The following PAN3 variants were observed in gnomAD, a reference collection of about 807,000 sequenced individuals.
PAN3 encodes PAN2-PAN3 deadenylation complex subunit PAN3.
In PAN3, 19 loss-of-function variants were observed where a neutral mutation model predicts 96.2. That is an observed-to-expected ratio of 0.20 (90% CI 0.14 to 0.29). The LOEUF is 0.29. PAN3 is among the 10% of genes least tolerant of loss of function. PAN3 has a pLI of 1.00. For synonymous variants in PAN3, 433 were observed against 406.6 expected (o/e 1.06, Z -0.78); for missense variants, 882 against 1,108.1 (o/e 0.80, Z 2.90).
chr13:28,164,570 G>T (rs1873301142), intron 1 of PAN3, among the ~76,000 whole-genome samples: 1 of 152,130 alleles, frequency 6.6e-6, no homozygotes. Context: ...ATGTAGAAAG[G>T]GTTCCCTACT....
intron 1 of PAN3, among the ~76,000 whole-genome samples, chr13:28,170,217 A>G (rs1192795022): frequency 6.6e-6 from 1 of 152,180 alleles, no homozygotes; most frequent in Non-Finnish European, 1.5e-5. Flanking sequence ...AGGAATATAT[A>G]TACCAGTGTT....
chr13:28,276,716 C>CTAA (rs1322676313), intron 14 of PAN3, among the ~76,000 whole-genome samples: 1 of 152,114 alleles, frequency 6.6e-6, no homozygotes, highest in Non-Finnish European at 1.5e-5. Context: ...CTGGTTAATG[C>CTAA]TAATGTTTGT....
At chr13:28,286,249 C>T (rs956600622) in intron 17 of PAN3, among the ~76,000 whole-genome samples, 1 of 152,176 alleles carries the variant, frequency 6.6e-6, no homozygotes, top group Non-Finnish European at 1.5e-5. Flanking sequence ...GGTTTGGGAA[C>T]CACACAGAGG....
chr13:28,153,232 C>CCTT (rs1871619235), intron 1 of PAN3, among the ~76,000 whole-genome samples: 1 of 101,532 alleles, frequency 9.8e-6, no homozygotes, highest in East Asian at 3.2e-4. Flanking sequence ...GTATAATACG[C>CCTT]TTTTTTTTTT....
At chr13:28,214,189 G>A (rs1441068945) in intron 5 of PAN3, among the ~76,000 whole-genome samples, 1 of 152,126 alleles carries the variant, frequency 6.6e-6, no homozygotes, top group African/African-American at 2.4e-5. Flanking sequence ...ATCATTCACT[G>A]CTACGTTTTT....
intron 7 of PAN3, 36 bp downstream of exon 7, chr13:28,256,575 C>G: frequency 6.3e-7 from 1 of 1,577,026 alleles, no homozygotes. Context: ...TTAGTACTCT[C>G]TTGTAACAGG....
intron 5 of PAN3, among the ~76,000 whole-genome samples, chr13:28,210,182 G>T (rs561332201): frequency 8.1e-4 from 123 of 152,296 alleles, no homozygotes; most frequent in Non-Finnish European, 1.5e-3. Flanking sequence ...GGCAAACTTT[G>T]TAAAGGATGA....
intron 5 of PAN3, among the ~76,000 whole-genome samples, chr13:28,203,806 T>C (rs543297258): frequency 6.6e-6 from 1 of 151,256 alleles, no homozygotes; most frequent in Non-Finnish European, 1.5e-5. Flanking sequence ...TTTTTTCTTT[T>C]CTTTTTTTTT....
intron 6 of PAN3, 63 bp downstream of exon 6, chr13:28,220,441 T>A (rs1426710045): frequency 6.6e-7 from 1 of 1,516,206 alleles, no homozygotes; most frequent in Non-Finnish European, 9.0e-7. Flanking sequence ...CATTTACTAT[T>A]AATTTATCAG....
intron 6 of PAN3, among the ~76,000 whole-genome samples, chr13:28,245,405 A>G (rs1056859941): frequency 4.8e-5 from 7 of 145,152 alleles, no homozygotes; most frequent in Admixed American, 2.7e-4. Context: ...TTTTTTTTAC[A>G]TTGTATTTCA....
chr13:28,269,129 G>T (rs1052438878), intron 12 of PAN3, among the ~76,000 whole-genome samples: 25 of 152,156 alleles, frequency 1.6e-4, no homozygotes, highest in Non-Finnish European at 3.2e-4. Context: ...TCTTCTGACT[G>T]AAGGGCCTGG....
chr13:28,193,278 T>C (rs990002043), intron 4 of PAN3, among the ~76,000 whole-genome samples: 2 of 152,194 alleles, frequency 1.3e-5, no homozygotes, highest in African/African-American at 4.8e-5. Flanking sequence ...GGGTTTATAA[T>C]GGCACATGTT....
At chr13:28,273,600 CAA>C (rs34103436) in intron 14 of PAN3, among the ~76,000 whole-genome samples, 1 of 138,452 alleles carries the variant, frequency 7.2e-6, no homozygotes. Context: ...GACTCCATCT[CAA>C]AAAAAAAAAA....
chr13:28,173,378 C>T (rs1874552010), intron 1 of PAN3, among the ~76,000 whole-genome samples: 2 of 151,970 alleles, frequency 1.3e-5, no homozygotes, highest in South Asian at 4.2e-4. Flanking sequence ...ACTATTCAGC[C>T]ATATCCTGAA....
intron 6 of PAN3, among the ~76,000 whole-genome samples, chr13:28,244,967 G>C (rs1884037199): frequency 2.0e-5 from 3 of 152,070 alleles, no homozygotes; most frequent in African/African-American, 7.2e-5. Flanking sequence ...TCCTGCCTCA[G>C]CCTCCTGAGT....
At chr13:28,220,887 A>G (rs182293446) in intron 6 of PAN3, among the ~76,000 whole-genome samples, 216 of 152,294 alleles carry the variant, frequency 1.4e-3, no homozygotes, top group Admixed American at 2.3e-3. Flanking sequence ...AGTAGTAGGA[A>G]AAAAATATAC....
chr13:28,267,370 T>G lies in PAN3; in HGVS notation c.1761T>G (p.Asn587Lys). Residue 587 changes from asparagine (N) to lysine (K), a missense_variant, in exon 12 of 19, where the codon AAT becomes AAG. This residue lies in a region of PAN3 where 364 missense variants were observed against 513.6 expected (regional missense o/e 0.71). Transcript: ENST00000380958. ...TGAGCAGACACTTTAATGACCCTAA[T>G]GCTGATGCCTACTTCACCAAGAGAA... ...TMMSRHFNDP[N>K]ADAYFTKRKW... is the part of the protein sequence containing the mutation. 5 of 1,613,770 alleles carry G rather than the reference T, an allele frequency of 3.1e-6. No homozygotes were observed. The highest frequency in any genetic ancestry group is 4.2e-6 in the Non-Finnish European group (5 of 1,179,742).
At chr13:28,241,610 A>G (rs1413972772) in intron 6 of PAN3, among the ~76,000 whole-genome samples, 1 of 151,548 alleles carries the variant, frequency 6.6e-6, no homozygotes, top group Non-Finnish European at 1.5e-5. Context: ...TCTTTGAATC[A>G]TAAGGAAAAT....
At position 28,154,752 on chromosome 13, in the gene PAN3, T is replaced by C. The variant is rs1443629650; in HGVS notation, c.430+15665T>C. Among the ~76,000 whole-genome samples the C allele has an allele frequency of 2.0e-5, 3 of 151,002 alleles. No homozygotes were observed. The East Asian group carries it at 5.8e-4, about 29-fold the overall frequency. On this transcript the variant is annotated intron_variant, in intron 1 of 18. Transcript: ENST00000380958. Reference sequence around the variant, plus strand: ...CTCAGGCAATCCACCCACTTTAGCCTCCCAAAGTGCTAGGATTACAGGTGT... The same window carrying C: ...CTCAGGCAATCCACCCACTTTAGCCCCCCAAAGTGCTAGGATTACAGGTGT...
Sources: allele counts gnomAD v4.1 joint callset (sites outside exome capture counted in the v4.1 genomes callset), GRCh38; gene constraint gnomAD v4.1.1; regional missense constraint gnomAD v4.1.1; transcripts MANE v1.5; gene names NCBI Gene and HGNC (gene_info 2026-07-23, HGNC 2026-07-21).